Variants in LDLRAD4 observed in about 807,000 individuals in gnomAD.
LDLRAD4 encodes low-density lipoprotein receptor class A domain-containing protein 4.
A neutral mutation model predicts 17.0 loss-of-function variants in LDLRAD4; 5 were observed. The observed-to-expected ratio is 0.29, with a 90% CI of 0.15 to 0.62. LDLRAD4 has a LOEUF of 0.62. LDLRAD4 is among the 20% of genes least tolerant of loss of function. The pLI, the probability that LDLRAD4 is intolerant of heterozygous loss-of-function variation, is 0.84. For missense variants in LDLRAD4, 340 were observed against 424.7 expected, an observed-to-expected ratio of 0.80 and a Z score of 1.75; for synonymous variants, 168 against 171.8, an observed-to-expected ratio of 0.98 and a Z score of 0.17.
chr18:13,341,530 C>T (rs375371643), intron 1 of LDLRAD4, among the ~76,000 whole-genome samples: 10 of 152,054 alleles, frequency 6.6e-5, no homozygotes, highest in Non-Finnish European at 1.5e-4. Context: ...TAGGATTTTT[C>T]ATTGTTAGTG....
chr18:13,422,939 G>A lies in LDLRAD4; in HGVS notation c.41-15305G>A, dbSNP rs183066349. ...CGGAAAGCTGGTGTTGGGAAGGAGT[G>A]TGGCACTGGAGCTGGTAGCAACTCC... On this transcript the variant is annotated intron_variant, in intron 2 of 5. Coordinates refer to ENST00000359446, the Ensembl canonical transcript of LDLRAD4. Among the ~76,000 whole-genome samples the A allele has an allele frequency of 4.1e-4, 62 of 152,272 alleles. No individual in the cohort carries two copies. In the East Asian group the frequency reaches 0.011, roughly 26 times the overall value.
At chr18:13,619,502 G>C (rs1159809449) in intron 3 of LDLRAD4, among the ~76,000 whole-genome samples, 1 of 135,452 alleles carries the variant, frequency 7.4e-6, no homozygotes, top group East Asian at 2.6e-4. Context: ...GTGTGTGGGT[G>C]GGGGGGTGGG....
chr18:13,393,093 C>T (rs1475695187), intron 2 of LDLRAD4, among the ~76,000 whole-genome samples: 1 of 152,028 alleles, frequency 6.6e-6, no homozygotes, highest in African/African-American at 2.4e-5. Flanking sequence ...CCGGCGTGCC[C>T]TTCCCACCCC....
intron 1 of LDLRAD4, among the ~76,000 whole-genome samples, chr18:13,234,271 C>T (rs985117707): frequency 1.3e-5 from 2 of 152,218 alleles, no homozygotes; most frequent in Non-Finnish European, 2.9e-5. Flanking sequence ...ACCCCCTCGC[C>T]GCACAGGCCT....
At chr18:13,518,013 C>T (rs1040676106) in intron 3 of LDLRAD4, among the ~76,000 whole-genome samples, 3 of 152,204 alleles carry the variant, frequency 2.0e-5, no homozygotes, top group African/African-American at 2.4e-5. Context: ...GGATTATAGG[C>T]GTGAGCCACC....
intron 3 of LDLRAD4, among the ~76,000 whole-genome samples, chr18:13,557,865 A>AC (rs780626294): frequency 3.9e-5 from 6 of 152,226 alleles, no homozygotes; most frequent in Non-Finnish European, 8.8e-5. Context: ...TCGATACCAG[A>AC]CACCAGTATG....
chr18:13,543,199 G>A (rs770484363), intron 3 of LDLRAD4: 6 of 152,178 alleles, frequency 3.9e-5, no homozygotes, highest in Non-Finnish European at 7.4e-5. Context: ...GCCCACAAAT[G>A]AGCAGTCAGC....
At chr18:13,509,772 A>G (rs568659210) in intron 3 of LDLRAD4, among the ~76,000 whole-genome samples, 1 of 152,186 alleles carries the variant, frequency 6.6e-6, no homozygotes, top group African/African-American at 2.4e-5. Context: ...GGCACTCTTC[A>G]TTGTTTTCTT....
At chr18:13,450,372 T>C (rs2091753173) in intron 3 of LDLRAD4, among the ~76,000 whole-genome samples, 1 of 138,162 alleles carries the variant, frequency 7.2e-6, no homozygotes, top group African/African-American at 2.7e-5. Context: ...CTGATTAGTT[T>C]TCATAAGTTG....
At chr18:13,226,511 A>C (rs2041814337) in intron 1 of LDLRAD4, among the ~76,000 whole-genome samples, 2 of 151,700 alleles carry the variant, frequency 1.3e-5, no homozygotes, top group Non-Finnish European at 2.9e-5. Flanking sequence ...ACCTTTGCAA[A>C]TTTGGCAGTA....
intron 1 of LDLRAD4, among the ~76,000 whole-genome samples, chr18:13,313,052 G>A (rs2080737647): frequency 6.6e-6 from 1 of 152,106 alleles, no homozygotes; most frequent in Non-Finnish European, 1.5e-5. Flanking sequence ...GGGCTGCTGT[G>A]CGTGCTGTGT....
intron 3 of LDLRAD4, among the ~76,000 whole-genome samples, chr18:13,511,228 A>G (rs2093772806): frequency 6.6e-6 from 1 of 152,112 alleles, no homozygotes; most frequent in Admixed American, 6.5e-5. Flanking sequence ...GGAAGGCAAA[A>G]TGTGCTCAAA....
At chr18:13,522,708 G>A (rs1045651579) in intron 3 of LDLRAD4, 2 of 152,004 alleles carry the variant, frequency 1.3e-5, no homozygotes, top group African/African-American at 4.8e-5. Context: ...GTTTAGCTCT[G>A]TCTTTTTTAT....
At chr18:13,331,563 C>T (rs970175531) in intron 1 of LDLRAD4, among the ~76,000 whole-genome samples, 1 of 152,114 alleles carries the variant, frequency 6.6e-6, no homozygotes, top group Non-Finnish European at 1.5e-5. Context: ...TGTTTTCTTC[C>T]GAGTTTTGCA....
chr18:13,230,048 A>T (rs1041368766), intron 1 of LDLRAD4, among the ~76,000 whole-genome samples: 1 of 152,174 alleles, frequency 6.6e-6, no homozygotes, highest in African/African-American at 2.4e-5. Context: ...GTATTGAGCG[A>T]TGGGGCTTCT....
chr18:13,517,843 A>G lies in LDLRAD4; in HGVS notation c.181+79459A>G, dbSNP rs893966026. On this transcript the variant is annotated intron_variant, in intron 3 of 5. Transcript: ENST00000359446. ...AAGCTCTGCCTCCCGGGCTCATGCCATTCTCCTGCCTCAGCCTCCCTAGTA... is the reference window on the plus strand; with the variant it reads ...AAGCTCTGCCTCCCGGGCTCATGCCGTTCTCCTGCCTCAGCCTCCCTAGTA... Among the ~76,000 whole-genome samples the G allele has an allele frequency of 5.9e-5, 9 of 151,980 alleles. No homozygotes were observed. The East Asian group carries it at 1.5e-3, about 26-fold the overall frequency.
intron 3 of LDLRAD4, among the ~76,000 whole-genome samples, chr18:13,546,960 T>G (rs183308406): frequency 1.3e-5 from 2 of 152,268 alleles, no homozygotes; most frequent in Admixed American, 6.5e-5. Context: ...TTACAACACT[T>G]GAGATGAGAA....
At chr18:13,387,424 C>T (rs749124325) in exon 2 of LDLRAD4, 6 of 331,230 alleles carry the variant, frequency 1.8e-5, no homozygotes, top group Non-Finnish European at 3.3e-5. Flanking sequence ...CTGGCAGCGG[C>T]GTGGCCAGGG....
intron 3 of LDLRAD4, among the ~76,000 whole-genome samples, chr18:13,534,300 T>C (rs1568308571): frequency 1.3e-5 from 2 of 152,256 alleles, no homozygotes; most frequent in Non-Finnish European, 1.5e-5. Context: ...TTTGGCCTTC[T>C]TGGAGATGCT....
Sources: allele counts gnomAD v4.1 joint callset (sites outside exome capture counted in the v4.1 genomes callset), GRCh38; gene constraint gnomAD v4.1.1; transcripts MANE v1.5; gene names NCBI Gene and HGNC (gene_info 2026-07-23, HGNC 2026-07-21).